Variants in DPYD observed in about 807,000 individuals in gnomAD.
DPYD encodes dihydropyrimidine dehydrogenase.
Under a neutral mutation model 116.2 loss-of-function variants are expected in DPYD, and 109 were observed. That is an observed-to-expected ratio of 0.94 (90% CI 0.80 to 1.10). The LOEUF (loss-of-function observed/expected upper bound fraction) is 1.10. DPYD is among the 50% of genes least tolerant of loss of function. DPYD has a pLI of 0.00. For synonymous variants in DPYD, 440 were observed against 432.0 expected (o/e 1.02, Z -0.23); for missense variants, 1,302 against 1,254.5 (o/e 1.04, Z -0.57).
intron 2 of DPYD, among the ~76,000 whole-genome samples, chr1:97,868,422 G>A (rs574532773): frequency 1.1e-4 from 16 of 151,714 alleles, no homozygotes; most frequent in Non-Finnish European, 2.1e-4. Context: ...AATATTATTC[G>A]AAGAAATCAA....
At chr1:97,168,998 C>G (rs548527788) in intron 20 of DPYD, among the ~76,000 whole-genome samples, 2 of 152,016 alleles carry the variant, frequency 1.3e-5, no homozygotes, top group Non-Finnish European at 2.9e-5. Context: ...AGGCACCCAC[C>G]ACCATGCCCA....
chr1:97,777,421 G>C (rs1379898982), intron 3 of DPYD, among the ~76,000 whole-genome samples: 1 of 152,108 alleles, frequency 6.6e-6, no homozygotes, highest in African/African-American at 2.4e-5. Context: ...ACTGTATGTT[G>C]CTTACTTATT....
chr1:97,411,807 AC>A (rs1674010648), intron 14 of DPYD, among the ~76,000 whole-genome samples: 2 of 152,186 alleles, frequency 1.3e-5, no homozygotes, highest in African/African-American at 4.8e-5. Context: ...AGTGATTGGA[AC>A]CTTTCTGGTA....
chr1:97,856,716 C>G (rs941807628), intron 2 of DPYD: 1 of 152,320 alleles, frequency 6.6e-6, no homozygotes, highest in East Asian at 1.9e-4. Flanking sequence ...AGGCCTCATG[C>G]GTGATATGGA....
chr1:97,634,009 T>A (rs1657422480), intron 8 of DPYD, among the ~76,000 whole-genome samples: 1 of 152,102 alleles, frequency 6.6e-6, no homozygotes, highest in Non-Finnish European at 1.5e-5. Flanking sequence ...GGAAAGAAGA[T>A]AACTCTTCCT....
chr1:97,736,723 T>A (rs1663964567), intron 4 of DPYD, among the ~76,000 whole-genome samples: 1 of 152,104 alleles, frequency 6.6e-6, no homozygotes, highest in Non-Finnish European at 1.5e-5. Flanking sequence ...TAATGAAAAC[T>A]GGCACGAGTT....
intron 19 of DPYD, among the ~76,000 whole-genome samples, chr1:97,208,430 G>A (rs138269430): frequency 0.012 from 1,882 of 151,364 alleles, 96 homozygotes; most frequent in Admixed American, 0.1. Flanking sequence ...GACTACAGGC[G>A]CATGCCACCA....
chr1:97,493,397 A>T (rs927048226), intron 13 of DPYD, among the ~76,000 whole-genome samples: 2 of 152,134 alleles, frequency 1.3e-5, no homozygotes, highest in Non-Finnish European at 2.9e-5. Context: ...ATCAGAAAAA[A>T]CTTTTTCATT....
At chr1:97,615,657 C>A (rs1656218953) in intron 8 of DPYD, among the ~76,000 whole-genome samples, 1 of 152,136 alleles carries the variant, frequency 6.6e-6, no homozygotes, top group Non-Finnish European at 1.5e-5. Flanking sequence ...CCAAACTGAT[C>A]TTCCTGCTTC....
intron 8 of DPYD, among the ~76,000 whole-genome samples, chr1:97,607,388 G>A (rs962535364): frequency 4.6e-5 from 7 of 151,776 alleles, no homozygotes; most frequent in African/African-American, 1.7e-4. Context: ...TCAGTATAGT[G>A]GAAGAGGGGC....
In DPYD at chr1:97,445,157, C is replaced by G. The variant is rs1167556218; in HGVS notation, c.1905+4902G>C. ...TGATCACCAGATGCTGACCGACTTC[C>G]CCTCTTCCACAGTCATAACTACAGA... On this transcript the variant is annotated intron_variant, in intron 14 of 22. Coordinates refer to ENST00000370192, the MANE Select transcript of DPYD (RefSeq NM_000110.4). 2.0e-5 allele frequency among the ~76,000 whole-genome samples: 3 copies of G among 152,250 alleles called. No homozygotes were observed. The South Asian group carries it at 6.2e-4, about 32-fold the overall frequency.
At chr1:97,189,632 C>T (rs1658222729) in intron 20 of DPYD, among the ~76,000 whole-genome samples, 1 of 152,034 alleles carries the variant, frequency 6.6e-6, no homozygotes, top group Admixed American at 6.6e-5. Flanking sequence ...ACATTGCCTC[C>T]AACTCTATAG....
intron 20 of DPYD, among the ~76,000 whole-genome samples, chr1:97,173,280 A>G (rs1450980615): frequency 3.7e-5 from 4 of 108,832 alleles, no homozygotes; most frequent in African/African-American, 1.0e-4. Flanking sequence ...ATATATATGC[A>G]CACATATATG....
intron 16 of DPYD, among the ~76,000 whole-genome samples, chr1:97,315,134 T>G (rs59776017): frequency 1.3e-5 from 2 of 151,946 alleles, no homozygotes; most frequent in African/African-American, 4.8e-5. Context: ...GAAAAATACA[T>G]GCAGAAGCAG....
intron 14 of DPYD, among the ~76,000 whole-genome samples, chr1:97,424,595 T>C (rs146712103): frequency 4.9e-4 from 74 of 152,244 alleles, no homozygotes; most frequent in African/African-American, 1.6e-3. Context: ...CAAATATTCA[T>C]AGTGAATTTC....
intron 1 of DPYD, 108 bp downstream of exon 1, chr1:97,920,776 G>T: frequency 1.4e-6 from 2 of 1,446,106 alleles, no homozygotes; most frequent in Non-Finnish European, 1.9e-6. Flanking sequence ...ACTTTCCCGC[G>T]TCTCTCACTC....
chr1:97,476,878 C>T (rs369301080), intron 13 of DPYD, among the ~76,000 whole-genome samples: 4 of 152,122 alleles, frequency 2.6e-5, no homozygotes, highest in African/African-American at 9.7e-5. Flanking sequence ...AAAATATATA[C>T]ACTATGCTGT....
At chr1:97,221,972 T>C (rs974514568) in intron 19 of DPYD, among the ~76,000 whole-genome samples, 19 of 152,026 alleles carry the variant, frequency 1.2e-4, no homozygotes, top group African/African-American at 4.6e-4. Flanking sequence ...GACACAGTTA[T>C]TAAAAAATCA....
At chr1:97,390,562 CTAATTT>C (rs1295528589) in intron 14 of DPYD, among the ~76,000 whole-genome samples, 3 of 151,890 alleles carry the variant, frequency 2.0e-5, no homozygotes, top group African/African-American at 7.2e-5. Flanking sequence ...ATAAGCTTTT[CTAATTT>C]TATTTGTTCA....
Sources: gnomAD v4.1 joint callset for allele counts (sites outside exome capture counted in the v4.1 genomes callset) on GRCh38, gnomAD v4.1.1 for gene constraint, MANE v1.5 for transcripts, NCBI Gene and HGNC (gene_info 2026-07-23, HGNC 2026-07-21) for gene names.